Variants in CUX1 observed in about 807,000 individuals in gnomAD.
CUX1 encodes cut like homeobox 1.
Under a neutral mutation model 158.8 loss-of-function variants are expected in CUX1, and 31 were observed. That is an observed-to-expected ratio of 0.20 (90% CI 0.15 to 0.26). The LOEUF is 0.26. Ranked by LOEUF, CUX1 falls within the 10% of genes least tolerant of loss-of-function variation. CUX1 has a pLI of 1.00. For missense variants in CUX1, 1,589 were observed against 2,014.6 expected, an observed-to-expected ratio of 0.79 and a Z score of 4.04; for synonymous variants, 879 against 862.1, an observed-to-expected ratio of 1.02 and a Z score of -0.34.
At chr7:101,957,877 T>A (rs1809963552) in intron 2 of CUX1, among the ~76,000 whole-genome samples, 1 of 151,992 alleles carries the variant, frequency 6.6e-6, no homozygotes, top group African/African-American at 2.4e-5. Context: ...ACGGAAACAG[T>A]GGTTAAGTGT....
chr7:102,275,449 G>C (rs1460658275), intron 17 of CUX1: 14 of 1,064,284 alleles, frequency 1.3e-5, no homozygotes, highest in Non-Finnish European at 1.8e-5. Flanking sequence ...ATGTGGCACA[G>C]ACCGTAAACC....
Position 102,252,931 on chromosome 7 carries a change from T to A in CUX1, c.*3889T>A. On this transcript the variant is annotated 3_prime_UTR_variant, in exon 24 of 24. Coordinates refer to ENST00000292535, the MANE Select transcript of CUX1 (RefSeq NM_181552.4). ...AGCGTCTCCTGGGACAGGATTGGGG[T>A]GACAGCCCAGGGATGCATGCATGGG... is the stretch of plus-strand genomic sequence containing the variant. 1 of 985,394 alleles carries A rather than the reference T, an allele frequency of 1.0e-6. No homozygotes were observed. Among genetic ancestry groups the A allele is most frequent in the Non-Finnish European group, 1.2e-6 (1 of 829,954 alleles). 61.0% of individuals were successfully genotyped at this position (985,394 alleles called of 1,614,324 possible). A position where few individuals can be genotyped will look rare whatever the true frequency, so the allele number is the denominator to read the frequency against.
chr7:102,085,909 T>C (rs1247679744), intron 4 of CUX1, among the ~76,000 whole-genome samples: 5 of 152,186 alleles, frequency 3.3e-5, no homozygotes, highest in Non-Finnish European at 5.9e-5. Flanking sequence ...ATTTTCTTTA[T>C]GGCAAGTTTT....
chr7:102,020,672 G>C (rs1340086306), intron 2 of CUX1, among the ~76,000 whole-genome samples: 3 of 152,146 alleles, frequency 2.0e-5, no homozygotes. Flanking sequence ...TTGAGGTCAG[G>C]AGTTCAAGAC....
At chr7:102,239,139 G>A (rs568442004) in intron 22 of CUX1, among the ~76,000 whole-genome samples, 181 bp from the exon 23 acceptor site, 12 of 152,216 alleles carry the variant, frequency 7.9e-5, no homozygotes, top group African/African-American at 2.6e-4. Flanking sequence ...TGCCTGCCTC[G>A]GCCTCCCAAA....
At chr7:102,101,914 T>C (rs1285137355) in intron 5 of CUX1, among the ~76,000 whole-genome samples, 2 of 139,490 alleles carry the variant, frequency 1.4e-5, no homozygotes, top group Admixed American at 1.4e-4. Flanking sequence ...TCTGTCTCAA[T>C]AAAAAAAAAA....
At chr7:102,218,923 C>CA (rs1797510147) in intron 20 of CUX1, among the ~76,000 whole-genome samples, 1 of 148,764 alleles carries the variant, frequency 6.7e-6, no homozygotes, top group African/African-American at 2.5e-5. Flanking sequence ...CATGGTGGTG[C>CA]ACGCCTGTCG....
At chr7:101,987,360 GA>G (rs1814455008) in intron 2 of CUX1, among the ~76,000 whole-genome samples, 1 of 152,200 alleles carries the variant, frequency 6.6e-6, no homozygotes, top group Non-Finnish European at 1.5e-5. Flanking sequence ...TCACGGCTCA[GA>G]TACTTCCACG....
At chr7:102,131,910 G>C (rs1284014523) in intron 8 of CUX1, among the ~76,000 whole-genome samples, 2 of 152,006 alleles carry the variant, frequency 1.3e-5, no homozygotes, top group African/African-American at 4.8e-5. Flanking sequence ...GACCTCAAGT[G>C]ATCCACCCAC....
chr7:102,207,003 C>G (rs1357875010), intron 20 of CUX1, among the ~76,000 whole-genome samples: 1 of 152,192 alleles, frequency 6.6e-6, no homozygotes, highest in Non-Finnish European at 1.5e-5. Context: ...CGGAACAAAT[C>G]CTTGAAGAAT....
chr7:102,139,200 G>A (rs562933874), intron 8 of CUX1, among the ~76,000 whole-genome samples: 77 of 147,340 alleles, frequency 5.2e-4, no homozygotes, highest in Admixed American at 9.7e-4. Context: ...AGCCGAGATC[G>A]TGCTGCTGCA....
chr7:102,093,580 C>G (rs1425539479), intron 4 of CUX1, among the ~76,000 whole-genome samples: 3 of 152,154 alleles, frequency 2.0e-5, no homozygotes, highest in African/African-American at 7.2e-5. Flanking sequence ...ATGCATCCAC[C>G]CCATACATTG....
downstream of CUX1, among the ~76,000 whole-genome samples, chr7:102,258,905 TG>T (rs1297569007): frequency 6.6e-6 from 1 of 152,106 alleles, no homozygotes; most frequent in Non-Finnish European, 1.5e-5. Flanking sequence ...GCGCTCGGGC[TG>T]GAGGTGGGGG....
chr7:102,090,357 C>T (rs1238754881), intron 4 of CUX1, among the ~76,000 whole-genome samples: 1 of 151,642 alleles, frequency 6.6e-6, no homozygotes, highest in Admixed American at 6.6e-5. Flanking sequence ...TTTTCATTTT[C>T]CATGATACCG....
intron 2 of CUX1, chr7:101,961,516 T>C (rs1400358153): frequency 6.6e-6 from 1 of 152,154 alleles, no homozygotes; most frequent in Non-Finnish European, 1.5e-5. Context: ...TATTGATCAA[T>C]ATAGAACAAA....
At chr7:102,279,991 G>C in intron 18 of CUX1, 1 of 1,313,884 alleles carries the variant, frequency 7.6e-7, no homozygotes, top group African/African-American at 1.5e-5. Flanking sequence ...CTTCCCGCTG[G>C]GCCCCAAGGC....
At chr7:102,033,577 A>G (rs887437761) in intron 3 of CUX1, among the ~76,000 whole-genome samples, 23 of 152,242 alleles carry the variant, frequency 1.5e-4, no homozygotes, top group Non-Finnish European at 2.5e-4. Flanking sequence ...TAAATACTGA[A>G]GTCGAAAAAG....
chr7:102,217,689 A>G (rs1375027536), intron 20 of CUX1, among the ~76,000 whole-genome samples: 26 of 125,366 alleles, frequency 2.1e-4, no homozygotes, highest in African/African-American at 6.2e-4. Context: ...CTGGATGGAC[A>G]CGATGGTGTC....
At chr7:101,947,478 A>C (rs1237361235) in intron 2 of CUX1, among the ~76,000 whole-genome samples, 2 of 152,236 alleles carry the variant, frequency 1.3e-5, no homozygotes, top group African/African-American at 4.8e-5. Context: ...CCATAAGTTA[A>C]TCCCGCACAC....
Sources: allele counts gnomAD v4.1 joint callset (sites outside exome capture counted in the v4.1 genomes callset), GRCh38; gene constraint gnomAD v4.1.1; transcripts MANE v1.5; gene names NCBI Gene and HGNC (gene_info 2026-07-23, HGNC 2026-07-21).